The following CEPT1 variants were observed in gnomAD, a reference collection of about 807,000 sequenced individuals.
The protein encoded by CEPT1 is choline/ethanolamine phosphotransferase 1.
Under a neutral mutation model 42.6 loss-of-function variants are expected in CEPT1, and 7 were observed. That is an observed-to-expected ratio of 0.16 (90% CI 0.09 to 0.31). The LOEUF (loss-of-function observed/expected upper bound fraction) is 0.31, where lower values mean the gene tolerates loss of function less well. CEPT1 is among the 10% of genes least tolerant of loss of function. The probability of loss-of-function intolerance (pLI) is 1.00; values close to 1 mark genes in which losing one functional copy is unlikely to be tolerated. For missense variants in CEPT1, 306 were observed against 502.1 expected (o/e 0.61, Z 3.73); for synonymous variants, 171 against 171.9 (o/e 0.99, Z 0.04).
intron 5 of CEPT1, chr1:111,180,447 A>T (rs1308071623): frequency 6.6e-6 from 1 of 152,168 alleles, no homozygotes; most frequent in Non-Finnish European, 1.5e-5. Context: ...CATGGTGTTG[A>T]TTTTCTCCTT....
chr1:111,143,326 G>GA (rs1173290040), intron 1 of CEPT1, among the ~76,000 whole-genome samples: 7 of 152,200 alleles, frequency 4.6e-5, no homozygotes, highest in African/African-American at 1.4e-4. Flanking sequence ...CTCTGAGCTT[G>GA]GTATAGAAGC....
At chr1:111,176,810 A>G (rs1447016549) in intron 5 of CEPT1, among the ~76,000 whole-genome samples, 1 of 152,242 alleles carries the variant, frequency 6.6e-6, no homozygotes, top group Non-Finnish European at 1.5e-5. Context: ...ATCAGAAAGC[A>G]AAAGTGTTAC....
chr1:111,159,267 A>T, intron 2 of CEPT1, 113 bp from the exon 3 acceptor site: 1 of 958,854 alleles, frequency 1.0e-6, no homozygotes, highest in Non-Finnish European at 1.6e-6. Context: ...TAGCACTTGG[A>T]TCTTCTCTCC....
Position 111,161,207 on chromosome 1 carries a change from T to C in CEPT1, c.540T>C (p.Asp180=), listed in dbSNP as rs567601468. The C allele has an allele frequency of 3.1e-6, 5 of 1,614,062 alleles. No homozygotes were observed. The highest frequency in any genetic ancestry group is 2.2e-5 in the East Asian group (1 of 44,866). ...CIAVQLGTNP[D]WMFFCCFAGT... ...CAGTGCAGCTGGGGACAAACCCTGA[T>C]TGGATGTTTTTTTGTTGTTTTGCGG... The change falls in exon 4 of 9, where the codon GAT becomes GAC. Residue 180 remains aspartate, a synonymous_variant. Transcript: ENST00000357172.
chr1:111,165,118 C>T (rs1384267115), intron 4 of CEPT1, among the ~76,000 whole-genome samples: 5 of 131,662 alleles, frequency 3.8e-5, no homozygotes, highest in South Asian at 2.4e-4. Flanking sequence ...GGTGCGATCT[C>T]GACTCACTGC....
intron 4 of CEPT1, among the ~76,000 whole-genome samples, chr1:111,172,222 T>C (rs1002295729): frequency 7.2e-5 from 11 of 152,206 alleles, no homozygotes; most frequent in Admixed American, 6.5e-4. Context: ...TGGGTCCTCT[T>C]TGACCACATA....
chr1:111,140,932 G>T (rs1654485093), intron 1 of CEPT1, among the ~76,000 whole-genome samples: 1 of 152,232 alleles, frequency 6.6e-6, no homozygotes, highest in Non-Finnish European at 1.5e-5. Flanking sequence ...GTGTTTGCCA[G>T]TATTCCCAGA....
chr1:111,154,434 A>G (rs1163002726), intron 2 of CEPT1, among the ~76,000 whole-genome samples: 1 of 152,098 alleles, frequency 6.6e-6, no homozygotes, highest in African/African-American at 2.4e-5. Context: ...TATAATCTGC[A>G]AAGAGGGACA....
rs150021706 is a variant in CEPT1, at chr1:111,184,592, G to C, written c.*282G>C. On this transcript the variant is annotated 3_prime_UTR_variant, in exon 9 of 9. Coordinates refer to ENST00000357172, the MANE Select transcript of CEPT1 (RefSeq NM_006090.5). ...ATTATCCTGGATTCAGAATAATACT[G>C]TGATGGGGAGCCAGATCCGCAGTGG... 5 of 226,266 alleles carry C rather than the reference G, an allele frequency of 2.2e-5. No individual in the cohort carries two copies. The highest frequency in any genetic ancestry group is 3.5e-5 in the Non-Finnish European group (4 of 114,884). The allele number at this position is 226,266 out of a possible 1,614,324, so 14.0% of individuals were successfully genotyped here.
intron 3 of CEPT1, chr1:111,160,590 G>A (rs1475805159): frequency 1.3e-5 from 2 of 152,546 alleles, no homozygotes; most frequent in African/African-American, 4.8e-5. Flanking sequence ...GTAGTTGGCT[G>A]TCTTGAAAGG....
intron 2 of CEPT1, among the ~76,000 whole-genome samples, chr1:111,154,259 T>G (rs953505224): frequency 6.7e-6 from 1 of 148,608 alleles, no homozygotes; most frequent in Non-Finnish European, 1.5e-5. Context: ...ATTTAGCTGT[T>G]GTTAATGGGG....
intron 1 of CEPT1, among the ~76,000 whole-genome samples, chr1:111,144,538 T>G (rs1263880792): frequency 6.6e-6 from 1 of 152,286 alleles, no homozygotes; most frequent in South Asian, 2.1e-4. Context: ...AAAAACAATC[T>G]AGGTCGCAGA....
In CEPT1 at chr1:111,184,176, C is replaced by T; in HGVS notation, c.1132-15C>T. The T allele has an allele frequency of 1.2e-6, 2 of 1,612,710 alleles. No individual in the cohort carries two copies. The highest frequency in any genetic ancestry group is 1.7e-5 in the Admixed American group (1 of 59,942). ...GAGCCTAAACGGGTGCTGAGAATGT[C>T]TCTTTTCTTTCCAGGTTTTCTCTTT... is the stretch of plus-strand genomic sequence containing the variant. On this transcript the variant is annotated splice_polypyrimidine_tract_variant and intron_variant, in intron 8 of 8. Transcript: ENST00000357172.
chr1:111,169,970 C>G (rs1656340575), intron 4 of CEPT1, among the ~76,000 whole-genome samples: 1 of 151,976 alleles, frequency 6.6e-6, no homozygotes. Context: ...TTTCCTACCT[C>G]CTAGGGTGGT....
chr1:111,145,846 G>C lies in CEPT1; in HGVS notation c.-73-1796G>C, dbSNP rs372882961. On this transcript the variant is annotated intron_variant, in intron 1 of 8. Coordinates refer to ENST00000357172, the MANE Select transcript of CEPT1 (RefSeq NM_006090.5). ...GCTGCCTCCCCTCCACCCCAGACAGGGGGGAACCTGCCACTCTCAGGACCA... is the reference window on the plus strand; with the variant it reads ...GCTGCCTCCCCTCCACCCCAGACAGCGGGGAACCTGCCACTCTCAGGACCA... 4.6e-5 allele frequency among the ~76,000 whole-genome samples: 7 copies of C among 151,982 alleles called. No individual in the cohort carries two copies. The South Asian group carries it at 6.2e-4, about 13-fold the overall frequency.
At chr1:111,139,711 A>C (rs995048649), upstream of CEPT1, 4 of 152,426 alleles carry the variant, frequency 2.6e-5, no homozygotes, top group Non-Finnish European at 5.9e-5. Flanking sequence ...GGCATCAGGC[A>C]CTGCTTGGGG....
Position 111,182,321 on chromosome 1 carries a change from A to G in CEPT1, c.846+3A>G, listed in dbSNP as rs1657031265. The G allele has an allele frequency of 6.2e-7, 1 of 1,610,644 alleles. No homozygotes were observed. Among genetic ancestry groups the G allele is most frequent in the East Asian group, 2.2e-5 (1 of 44,720 alleles). On this transcript the variant is annotated splice_donor_region_variant and intron_variant, in intron 6 of 8. Transcript: ENST00000357172. ...GCAAAAATGGATCAACAATAGCAGT[A>G]AGTATACCTTAAGATTTTCAACACT...
At chr1:111,183,435 G>T (rs371976526) in intron 7 of CEPT1, 27 bp from the exon 8 acceptor site, 1 of 1,609,578 alleles carries the variant, frequency 6.2e-7, no homozygotes, top group Non-Finnish European at 8.5e-7. Context: ...TTATGAAAAT[G>T]CCTACGTTAT....
chr1:111,172,965 C>T (rs1250026047), intron 4 of CEPT1, among the ~76,000 whole-genome samples: 1 of 152,108 alleles, frequency 6.6e-6, no homozygotes. Context: ...ATAAAACTTG[C>T]CCTAAGAATC....
Sources: gnomAD v4.1 joint callset for allele counts (sites outside exome capture counted in the v4.1 genomes callset) on GRCh38, gnomAD v4.1.1 for gene constraint, MANE v1.5 for transcripts, NCBI Gene and HGNC (gene_info 2026-07-23, HGNC 2026-07-21) for gene names.